Variants in SPTBN4 observed in about 807,000 individuals in gnomAD.
SPTBN4 encodes spectrin beta, non-erythrocytic 4.
Under a neutral mutation model 277.8 loss-of-function variants are expected in SPTBN4, and 96 were observed. That is an observed-to-expected ratio of 0.35 (90% confidence interval 0.29 to 0.41). The LOEUF is 0.41. Among genes scored for constraint, SPTBN4 ranks in the 10% least tolerant of loss-of-function variants. SPTBN4 has a pLI of 1.00. For synonymous variants in SPTBN4, 1,481 were observed against 1,580.3 expected (o/e 0.94, Z 1.49); for missense variants, 3,006 against 3,595.7 (o/e 0.84, Z 4.19).
intron 11 of SPTBN4, among the ~76,000 whole-genome samples, chr19:40,503,346 G>A (rs1429223766): frequency 6.6e-6 from 1 of 152,076 alleles, no homozygotes; most frequent in Non-Finnish European, 1.5e-5. Flanking sequence ...TGGGTAACAA[G>A]TTTAAGGTTA....
intron 14 of SPTBN4, among the ~76,000 whole-genome samples, chr19:40,514,129 C>T (rs2080426784): frequency 1.3e-5 from 2 of 152,172 alleles, no homozygotes. Context: ...AGTGGGTGAA[C>T]AATGCCTATT....
At position 40,490,394 on chromosome 19, in the gene SPTBN4, A is replaced by C. The variant is rs543726288; in HGVS notation, c.495+146A>C. On this transcript the variant is annotated intron_variant, in intron 4 of 35. Transcript: ENST00000598249. The surrounding 1 kb of genome is among the most constrained non-coding windows in gnomAD (Gnocchi z 4.3). ...GGTGTTAGGGATGAAAATAATGATA[A>C]AAATAATTGTCACGATCACCACCAT... 6.4e-6 allele frequency: 7 copies of C among 1,089,902 alleles called. No individual in the cohort carries two copies. In the South Asian group the frequency reaches 6.8e-5, roughly 11 times the overall value. The allele number at this position is 1,089,902 out of a possible 1,614,324, so 67.5% of individuals were successfully genotyped here.
intron 2 of SPTBN4, among the ~76,000 whole-genome samples, chr19:40,483,958 G>A (rs888546654): frequency 2.1e-5 from 3 of 141,694 alleles, no homozygotes; most frequent in East Asian, 2.1e-4. Flanking sequence ...GGGGATCATC[G>A]CAAAGCTCTT....
At chr19:40,571,866 A>G in intron 33 of SPTBN4, 153 bp from the exon 34 acceptor site, 1 of 807,410 alleles carries the variant, frequency 1.2e-6, no homozygotes, top group Non-Finnish European at 1.9e-6. Context: ...AACAGCCTTA[A>G]GGAAGAGCAT....
chr19:40,564,272 G>A (rs373202366), intron 27 of SPTBN4, among the ~76,000 whole-genome samples: 8 of 152,256 alleles, frequency 5.3e-5, no homozygotes, highest in East Asian at 1.9e-4. Flanking sequence ...CAGGGGAATC[G>A]CTTGAACCTA....
intron 5 of SPTBN4, 24 bp downstream of exon 5, chr19:40,493,078 T>C (rs974773019): frequency 6.2e-7 from 1 of 1,609,176 alleles, no homozygotes; most frequent in African/African-American, 1.3e-5. Context: ...CCACCTTCCT[T>C]AGGAGGTTAG....
At chr19:40,479,313 A>G (rs2079982810) in intron 2 of SPTBN4, among the ~76,000 whole-genome samples, 1 of 151,944 alleles carries the variant, frequency 6.6e-6, no homozygotes, top group Admixed American at 6.6e-5. Flanking sequence ...CATTAAGGAA[A>G]ATTGTTTGGA....
chr19:40,528,974 G>A (rs892412090), intron 17 of SPTBN4, 67 bp from the exon 18 acceptor site: 2 of 1,251,612 alleles, frequency 1.6e-6, no homozygotes, highest in Admixed American at 3.4e-5. Context: ...TGCCCTCACA[G>A]TCCTACTGCC....
chr19:40,515,962 CGT>C lies in SPTBN4; in HGVS notation c.2903+515_2903+516del, dbSNP rs1568798475. ...ATATACGTATATATACACATATATACGTATATATACACATATATACGTATATA... is the reference window on the plus strand; with the variant it reads ...ATATACGTATATATACACATATATACATATATACACATATATACGTATATA... On this transcript the variant is annotated intron_variant, in intron 15 of 35. Coordinates refer to ENST00000598249, the MANE Select transcript of SPTBN4 (RefSeq NM_020971.3). This position sits in a 1 kb window ranked among gnomAD's most constrained non-coding sequence, Gnocchi z 4.1. Among the ~76,000 whole-genome samples the C allele has an allele frequency of 3.4e-5, 5 of 145,502 alleles. No individual in the cohort carries two copies. Among genetic ancestry groups the C allele is most frequent in the African/African-American group, 1.3e-4 (5 of 39,140 alleles).
intron 18 of SPTBN4, chr19:40,530,583 C>A: frequency 2.0e-6 from 2 of 980,544 alleles, no homozygotes; most frequent in Non-Finnish European, 2.4e-6. Context: ...ACGCCACTGC[C>A]GCTTCAGGTC....
Position 40,506,359 on chromosome 19 carries a change from G to A in SPTBN4, c.1789G>A (p.Ala597Thr), listed in dbSNP as rs201912232. The part of the protein sequence containing the change: ...QSERVEALNA[A>T]ALRFSQLQGY... ...CGAGCGGGTGGAGGCTCTCAATGCC[G>A]CTGCCCTGCGCTTCTCCCAGCTGCA... The change falls in exon 13 of 36, where the codon GCT becomes ACT. Residue 597 changes from alanine to threonine, a missense_variant. Coordinates refer to ENST00000598249, the MANE Select transcript of SPTBN4 (RefSeq NM_020971.3). 49 of 1,613,066 alleles carry A rather than the reference G, an allele frequency of 3.0e-5. No individual in the cohort carries two copies. The highest frequency in any genetic ancestry group is 3.3e-4 in the Middle Eastern group (2 of 6,058).
intron 2 of SPTBN4, among the ~76,000 whole-genome samples, chr19:40,473,947 T>C (rs577750362): frequency 2.7e-5 from 4 of 150,860 alleles, no homozygotes; most frequent in Non-Finnish European, 4.4e-5. Flanking sequence ...TTCGAGACCA[T>C]GTTCGCCAAC....
At chr19:40,522,734 C>A (rs1299486719) in intron 16 of SPTBN4, among the ~76,000 whole-genome samples, 2 of 152,240 alleles carry the variant, frequency 1.3e-5, no homozygotes, top group East Asian at 3.9e-4. Flanking sequence ...CAACAAAATA[C>A]AAAATCCTGC....
intron 17 of SPTBN4, 28 bp downstream of exon 17, chr19:40,523,667 G>A: frequency 2.5e-6 from 4 of 1,576,482 alleles, no homozygotes; most frequent in Middle Eastern, 2.0e-4. Flanking sequence ...ATCCACCCCA[G>A]GGAGGGGGCA....
At chr19:40,473,363 T>TTTTG (rs1241744964) in intron 2 of SPTBN4, among the ~76,000 whole-genome samples, 1 of 147,790 alleles carries the variant, frequency 6.8e-6, no homozygotes, top group Non-Finnish European at 1.5e-5. Context: ...TGTTTTTTTT[T>TTTTG]TTTTTTTTTT....
intron 27 of SPTBN4, among the ~76,000 whole-genome samples, chr19:40,563,838 C>G (rs756741628): frequency 6.7e-6 from 1 of 148,774 alleles, no homozygotes; most frequent in Non-Finnish European, 1.5e-5. Context: ...GCCAGAAGTT[C>G]GAGACCAGCC....
intron 2 of SPTBN4, among the ~76,000 whole-genome samples, chr19:40,476,970 C>T (rs1485953221): frequency 6.6e-6 from 1 of 151,826 alleles, no homozygotes; most frequent in Non-Finnish European, 1.5e-5. Flanking sequence ...GGTGTCAACT[C>T]ATCCTTCTGA....
chr19:40,470,993 A>C (rs2079878779), intron 1 of SPTBN4, among the ~76,000 whole-genome samples: 1 of 150,274 alleles, frequency 6.7e-6, no homozygotes, highest in African/African-American at 2.5e-5. Context: ...TCTGTCTCCC[A>C]GGCTGGAGTG....
Position 40,575,563 on chromosome 19 carries a change from GA to G in SPTBN4, c.7691del (p.Lys2564SerfsTer41). 1 of 1,609,056 alleles carries G rather than the reference GA, an allele frequency of 6.2e-7. No individual in the cohort carries two copies. Among genetic ancestry groups the G allele is most frequent in the Non-Finnish European group, 8.5e-7 (1 of 1,178,296 alleles). On this transcript the variant is annotated frameshift_variant, in exon 36 of 36. Coordinates refer to ENST00000598249, the MANE Select transcript of SPTBN4 (RefSeq NM_020971.3). LOFTEE classifies it high-confidence loss of function. ...GAGATCGCAGGGCCAGCGGGCGCAG[GA>G]AGTGACTTCCCACCCCCAGGACCTG... ...GGDRRASGRR[K>X]
Sources: gnomAD v4.1 joint callset for allele counts (sites outside exome capture counted in the v4.1 genomes callset) on GRCh38, gnomAD v4.1.1 for gene constraint, Gnocchi (gnomAD v3.1) non-coding constraint, MANE v1.5 for transcripts, NCBI Gene and HGNC (gene_info 2026-07-23, HGNC 2026-07-21) for gene names.